The following SCTR variants were observed in gnomAD, a reference collection of about 807,000 sequenced individuals.
The protein encoded by SCTR is secretin receptor, also known as pancreatic secretin receptor.
In SCTR, 56 loss-of-function variants were observed where a neutral mutation model predicts 60.8. The observed-to-expected ratio is 0.92, with a 90% CI of 0.74 to 1.15. SCTR has a LOEUF of 1.15. Ranked by LOEUF, SCTR falls within the 50% of genes most tolerant of loss-of-function variation. The pLI is 0.00. For synonymous variants in SCTR, 202 were observed against 217.0 expected (o/e 0.93, Z 0.61); for missense variants, 562 against 550.4 (o/e 1.02, Z -0.21).
intron 2 of SCTR, 119 bp downstream of exon 2, chr2:119,494,309 G>T: frequency 1.7e-6 from 2 of 1,152,676 alleles, no homozygotes; most frequent in Non-Finnish European, 2.4e-6. Flanking sequence ...TTGTCTGAGT[G>T]AGAAAAGCTG....
chr2:119,491,488 A>G (rs868789431), intron 2 of SCTR, among the ~76,000 whole-genome samples: 2 of 151,844 alleles, frequency 1.3e-5, no homozygotes, highest in Non-Finnish European at 2.9e-5. Flanking sequence ...ATCATTTTAC[A>G]TGTTTCTTTC....
chr2:119,440,038 A>T lies in SCTR; in HGVS notation c.*79T>A. ...AGGACACAGGGTGTCTGCTGGGAAGACTGGCTGTCCCACAGCAGTGCCCAG... is the reference window on the plus strand; with the variant it reads ...AGGACACAGGGTGTCTGCTGGGAAGTCTGGCTGTCCCACAGCAGTGCCCAG... On this transcript the variant is annotated 3_prime_UTR_variant, in exon 13 of 13. Coordinates refer to ENST00000019103, the MANE Select transcript of SCTR (RefSeq NM_002980.3). 1 of 1,445,976 alleles carries T rather than the reference A, an allele frequency of 6.9e-7. No homozygotes were observed. Among genetic ancestry groups the T allele is most frequent in the Non-Finnish European group, 9.5e-7 (1 of 1,055,056 alleles). The allele number at this position is 1,445,976 out of a possible 1,614,324, so 89.6% of individuals were successfully genotyped here.
At chr2:119,476,900 C>T (rs950316793) in intron 3 of SCTR, 18 of 152,266 alleles carry the variant, frequency 1.2e-4, no homozygotes, top group African/African-American at 3.6e-4. Flanking sequence ...TCTCCTGTGT[C>T]CTGAGCTCCC....
chr2:119,450,185 A>G (rs1339872216), intron 9 of SCTR, among the ~76,000 whole-genome samples: 2 of 152,038 alleles, frequency 1.3e-5, no homozygotes, highest in Non-Finnish European at 2.9e-5. Context: ...GGAAAGAAAG[A>G]AAGTCTTTAA....
At chr2:119,475,637 TTA>T (rs1231900033) in intron 3 of SCTR, among the ~76,000 whole-genome samples, 2 of 146,970 alleles carry the variant, frequency 1.4e-5, no homozygotes, top group African/African-American at 5.0e-5. Flanking sequence ...GATATTTATA[TTA>T]TATATATAAT....
intron 11 of SCTR, among the ~76,000 whole-genome samples, chr2:119,446,395 C>T (rs1305438123): frequency 6.6e-6 from 1 of 152,196 alleles, no homozygotes; most frequent in Non-Finnish European, 1.5e-5. Flanking sequence ...ACCCGCCCCA[C>T]GCTCCCGCGA....
At chr2:119,515,419 TA>T (rs1485566214) in intron 1 of SCTR, among the ~76,000 whole-genome samples, 1 of 152,258 alleles carries the variant, frequency 6.6e-6, no homozygotes, top group Non-Finnish European at 1.5e-5. Flanking sequence ...GCATAGTTGG[TA>T]AAACACTATT....
At chr2:119,500,666 C>T (rs1207701618) in intron 1 of SCTR, among the ~76,000 whole-genome samples, 2 of 151,982 alleles carry the variant, frequency 1.3e-5, no homozygotes, top group African/African-American at 4.8e-5. Flanking sequence ...TACATGGGAA[C>T]TAAAAAGGTG....
At chr2:119,493,182 C>T (rs6706701) in intron 2 of SCTR, among the ~76,000 whole-genome samples, 2,824 of 152,284 alleles carry the variant, frequency 0.019, 38 homozygotes, top group South Asian at 0.053. Context: ...TTGTATCTGG[C>T]TTGTTTCACT....
At chr2:119,503,549 A>G (rs1347225352) in intron 1 of SCTR, among the ~76,000 whole-genome samples, 1 of 152,160 alleles carries the variant, frequency 6.6e-6, no homozygotes, top group African/African-American at 2.4e-5. Context: ...AATAAATTAC[A>G]TACTATATAA....
intron 4 of SCTR, among the ~76,000 whole-genome samples, chr2:119,471,230 C>T (rs1040585105): frequency 1.3e-5 from 2 of 152,178 alleles, no homozygotes; most frequent in African/African-American, 4.8e-5. Context: ...TTCTTATGAA[C>T]CTCATCCGGC....
chr2:119,510,970 G>A (rs941662789), intron 1 of SCTR, among the ~76,000 whole-genome samples: 7 of 152,058 alleles, frequency 4.6e-5, no homozygotes, highest in Non-Finnish European at 7.3e-5. Context: ...GGCTGAGGCG[G>A]GCAGATCACA....
At chr2:119,520,067 TTCA>T (rs1679243453) in intron 1 of SCTR, among the ~76,000 whole-genome samples, 1 of 152,130 alleles carries the variant, frequency 6.6e-6, no homozygotes, top group Non-Finnish European at 1.5e-5. Flanking sequence ...TAAAGGAGCC[TTCA>T]TCATCCTTCA....
chr2:119,440,247 T>C lies in SCTR; in HGVS notation c.1193A>G (p.Glu398Gly). ...CCATTGCTGCCACTTCTTCTGAACCTCCAGCTGCACCTGCCCGGGAGACCA... is the reference window on the plus strand; with the variant it reads ...CCATTGCTGCCACTTCTTCTGAACCCCCAGCTGCACCTGCCCGGGAGACCA... Reference protein sequence around the residue: ...YCFLNGEVQLEVQKKWQQWHL... With the variant: ...YCFLNGEVQLGVQKKWQQWHL... Residue 398 changes from glutamate to glycine, a missense_variant, in exon 13 of 13, where the codon GAG (glutamate) becomes GGG (glycine). Transcript: ENST00000019103. 1 of 1,613,484 alleles carries C rather than the reference T, an allele frequency of 6.2e-7. No individual in the cohort carries two copies. Among genetic ancestry groups the C allele is most frequent in the Non-Finnish European group, 8.5e-7 (1 of 1,179,716 alleles).
chr2:119,517,715 G>C (rs569165145), intron 1 of SCTR, among the ~76,000 whole-genome samples: 1 of 152,142 alleles, frequency 6.6e-6, no homozygotes, highest in Non-Finnish European at 1.5e-5. Context: ...AAAAGTCAGC[G>C]GAGAGGAAGA....
chr2:119,503,385 G>A (rs1226128876), intron 1 of SCTR, among the ~76,000 whole-genome samples: 1 of 152,032 alleles, frequency 6.6e-6, no homozygotes, highest in Non-Finnish European at 1.5e-5. Flanking sequence ...TGGCAACACA[G>A]TGAGATCCCA....
At chr2:119,506,429 C>T (rs988468872) in intron 1 of SCTR, among the ~76,000 whole-genome samples, 2 of 151,848 alleles carry the variant, frequency 1.3e-5, no homozygotes, top group East Asian at 1.9e-4. Flanking sequence ...CTATATTATT[C>T]CATTTATCCA....
chr2:119,484,305 A>G (rs1370981894), intron 2 of SCTR, among the ~76,000 whole-genome samples: 2 of 152,118 alleles, frequency 1.3e-5, no homozygotes, highest in Non-Finnish European at 2.9e-5. Context: ...GTCGTCTCTG[A>G]TGGCCACCTC....
rs373116548 is a variant in SCTR at position 119,478,801 on chromosome 2, G to T, written c.301+10C>A. On this transcript the variant is annotated intron_variant, in intron 3 of 12. Transcript: ENST00000019103. Reference sequence around the variant, plus strand: ...GCCTGTCCGCCAGGCCCCATGGGCCGAGTGGTTACCATTTCTGCTGGTGAG... The same window carrying T: ...GCCTGTCCGCCAGGCCCCATGGGCCTAGTGGTTACCATTTCTGCTGGTGAG... 6 of 1,613,986 alleles carry T rather than the reference G, an allele frequency of 3.7e-6. No individual in the cohort carries two copies. Among genetic ancestry groups the T allele is most frequent in the Non-Finnish European group, 5.1e-6 (6 of 1,179,910 alleles).
Sources: gnomAD v4.1 joint callset for allele counts (sites outside exome capture counted in the v4.1 genomes callset) on GRCh38, gnomAD v4.1.1 for gene constraint, MANE v1.5 for transcripts, NCBI Gene and HGNC (gene_info 2026-07-23, HGNC 2026-07-21) for gene names.